Variants in EXT1 observed in about 807,000 individuals in gnomAD.
The protein encoded by EXT1 is exostosin-1.
A neutral mutation model predicts 82.5 loss-of-function variants in EXT1; 20 were observed. That is an observed-to-expected ratio of 0.24 (90% CI 0.17 to 0.35). The LOEUF is 0.35. Among genes scored for constraint, EXT1 ranks in the 10% least tolerant of loss-of-function variants. The pLI is 1.00. For missense variants in EXT1, 757 were observed against 936.5 expected, an observed-to-expected ratio of 0.81 and a Z score of 2.50; for synonymous variants, 348 against 350.8, an observed-to-expected ratio of 0.99 and a Z score of 0.09.
At chr8:118,067,876 A>C (rs1202523256) in intron 1 of EXT1, among the ~76,000 whole-genome samples, 1 of 152,224 alleles carries the variant, frequency 6.6e-6, no homozygotes, top group African/African-American at 2.4e-5. Flanking sequence ...AGTGATGGCT[A>C]TTAAAGGGAA....
rs79074363 is a variant in EXT1 at position 118,083,678 on chromosome 8, T to C, written c.962+26407A>G. Among the ~76,000 whole-genome samples, 1,027 of 152,258 alleles carry C rather than the reference T, an allele frequency of 6.7e-3. 7 individuals are homozygous for C. The highest frequency in any genetic ancestry group is 8.6e-3 in the Non-Finnish European group (582 of 68,022). Reference sequence around the variant, plus strand: ...ATAGTAAGAAGCTCAATAGAAGTTTTCTAAACTCAAGAATCAAGCACTATT... The same window carrying C: ...ATAGTAAGAAGCTCAATAGAAGTTTCCTAAACTCAAGAATCAAGCACTATT... On this transcript the variant is annotated intron_variant, in intron 1 of 10. Coordinates refer to ENST00000378204, the MANE Select transcript of EXT1 (RefSeq NM_000127.3).
intron 4 of EXT1, 38 bp downstream of exon 4, chr8:117,830,191 AC>A: frequency 6.2e-7 from 1 of 1,613,082 alleles, no homozygotes; most frequent in Non-Finnish European, 8.5e-7. Flanking sequence ...TGTATAAAGG[AC>A]CATTATTCAA....
At chr8:117,830,102 T>C (rs1812073328) in intron 4 of EXT1, 128 bp downstream of exon 4, 2 of 1,194,874 alleles carry the variant, frequency 1.7e-6, no homozygotes, top group South Asian at 1.3e-5. Flanking sequence ...TTAACCAATA[T>C]ATCCAAGTAC....
chr8:118,000,543 G>A (rs922416525), intron 1 of EXT1, among the ~76,000 whole-genome samples: 1 of 152,198 alleles, frequency 6.6e-6, no homozygotes, highest in Non-Finnish European at 1.5e-5. Flanking sequence ...TGTCTTAGCT[G>A]TAGCTAGGAA....
intron 1 of EXT1, among the ~76,000 whole-genome samples, chr8:117,915,787 C>T (rs763712916): frequency 2.1e-4 from 32 of 152,092 alleles, no homozygotes; most frequent in African/African-American, 6.5e-4. Flanking sequence ...ACCCAAGAGG[C>T]GGAGGTTACA....
At position 117,946,995 on chromosome 8, in the gene EXT1, C is replaced by T. The variant is rs57399568; in HGVS notation, c.963-109794G>A. Among the ~76,000 whole-genome samples, 1,199 of 151,242 alleles carry T rather than the reference C, an allele frequency of 7.9e-3. 23 individuals are homozygous for T. The highest frequency in any genetic ancestry group is 0.028 in the African/African-American group (1,145 of 41,410). The stretch of plus-strand genomic sequence containing the variant: ...GATTTTTGAGGAGTATATGGGTTAC[C>T]CGAGCCAAGAATTATTATAAAGGAG... On this transcript the variant is annotated intron_variant, in intron 1 of 10. Coordinates refer to ENST00000378204, the MANE Select transcript of EXT1 (RefSeq NM_000127.3).
chr8:117,975,376 G>A (rs967676038), intron 1 of EXT1, among the ~76,000 whole-genome samples: 4 of 152,024 alleles, frequency 2.6e-5, no homozygotes, highest in Non-Finnish European at 5.9e-5. Context: ...AATAAAAAAT[G>A]TTTTATCCCC....
chr8:118,060,782 C>T lies in EXT1; in HGVS notation c.962+49303G>A, dbSNP rs79858739. Among the ~76,000 whole-genome samples the T allele has an allele frequency of 9.0e-3, 1,366 of 152,334 alleles. 6 individuals are homozygous for T. Among genetic ancestry groups the T allele is most frequent in the Non-Finnish European group, 0.015 (1,013 of 68,022 alleles). Reference sequence around the variant, plus strand: ...TGTCCAGGAACAAGCTGGAACACCACCTGGCTCAGCTGCTTCGTGTAAAAA... The same window carrying T: ...TGTCCAGGAACAAGCTGGAACACCATCTGGCTCAGCTGCTTCGTGTAAAAA... On this transcript the variant is annotated intron_variant, in intron 1 of 10. Coordinates refer to ENST00000378204, the MANE Select transcript of EXT1 (RefSeq NM_000127.3).
intron 7 of EXT1, among the ~76,000 whole-genome samples, chr8:117,814,168 T>C (rs573510185): frequency 1.5e-4 from 22 of 150,960 alleles, no homozygotes; most frequent in Non-Finnish European, 3.2e-4. Flanking sequence ...ATTGTGAAGG[T>C]GGTGTATGCA....
At chr8:117,871,598 C>T (rs1301112490) in intron 1 of EXT1, among the ~76,000 whole-genome samples, 1 of 152,178 alleles carries the variant, frequency 6.6e-6, no homozygotes. Context: ...CCACAAGTTA[C>T]CCCAATGCAA....
Position 117,915,124 on chromosome 8 carries a change from T to A in EXT1, c.963-77923A>T, listed in dbSNP as rs1485540605. On this transcript the variant is annotated intron_variant, in intron 1 of 10. Coordinates refer to ENST00000378204, the MANE Select transcript of EXT1 (RefSeq NM_000127.3). ...CTGTAAAATTCCTCTCTTTGTACTC[T>A]TTCTCTTTATTTCTCAGCCGGCCAA... Among the ~76,000 whole-genome samples, 6 of 152,196 alleles carry A rather than the reference T, an allele frequency of 3.9e-5. No homozygotes were observed. The East Asian group carries it at 1.2e-3, about 29-fold the overall frequency.
chr8:117,915,855 CAAACAAAACAAAACA>C (rs60869745), intron 1 of EXT1, among the ~76,000 whole-genome samples: 28 of 148,838 alleles, frequency 1.9e-4, no homozygotes, highest in African/African-American at 4.4e-4. Context: ...GACTCTGTCT[CAAACAAAACAAAACA>C]AAACAAAACA....
chr8:117,858,810 C>CAAGGCAGGAAGGAAGGAAGGA lies in EXT1; in HGVS notation c.963-21610_963-21609insTCCTTCCTTCCTTCCTGCCTT, dbSNP rs1182184208. Among the ~76,000 whole-genome samples, 39 of 34,358 alleles carry CAAGGCAGGAAGGAAGGAAGGA rather than the reference C, an allele frequency of 1.1e-3. 1 individual carries two copies. Among genetic ancestry groups the CAAGGCAGGAAGGAAGGAAGGA allele is most frequent in the Non-Finnish European group, 1.4e-3 (26 of 18,776 alleles). 22.5% of individuals were successfully genotyped at this position (34,358 alleles called of 152,430 possible). On this transcript the variant is annotated intron_variant, in intron 1 of 10. Transcript: ENST00000378204. Reference sequence around the variant, plus strand: ...GCAGGCAAGGCAAGGCAAGGCAAGGCAGGAAGGAAGGAAGGAAGGAAGGAA... The same window carrying CAAGGCAGGAAGGAAGGAAGGA: ...GCAGGCAAGGCAAGGCAAGGCAAGGCAAGGCAGGAAGGAAGGAAGGAAGGAAGGAAGGAAGGAAGGAAGGAA...
intron 9 of EXT1, among the ~76,000 whole-genome samples, chr8:117,805,319 T>C (rs1246431572): frequency 1.3e-5 from 2 of 152,208 alleles, no homozygotes; most frequent in African/African-American, 4.8e-5. Context: ...TTAACAATTT[T>C]AATCATTGGC....
intron 1 of EXT1, among the ~76,000 whole-genome samples, chr8:117,843,831 G>A (rs1300874256): frequency 1.3e-5 from 2 of 152,094 alleles, no homozygotes; most frequent in Non-Finnish European, 2.9e-5. Context: ...TCCAACTCCT[G>A]GATTTCTCAT....
At position 117,949,439 on chromosome 8, in the gene EXT1, A is replaced by G. The variant is rs891204379; in HGVS notation, c.963-112238T>C. On this transcript the variant is annotated intron_variant, in intron 1 of 10. Coordinates refer to ENST00000378204, the MANE Select transcript of EXT1 (RefSeq NM_000127.3). ...TATTTATAATCCACAGGTAAGTCTA[A>G]TATCAGTACCTAGTTTGTGTGTGTA... Among the ~76,000 whole-genome samples, 8 of 151,060 alleles carry G rather than the reference A, an allele frequency of 5.3e-5. No homozygotes were observed. In the East Asian group the frequency reaches 1.5e-3, roughly 29 times the overall value.
chr8:118,079,328 C>T (rs1817267387), intron 1 of EXT1, among the ~76,000 whole-genome samples: 1 of 152,094 alleles, frequency 6.6e-6, no homozygotes, highest in Non-Finnish European at 1.5e-5. Context: ...GGCTAATTTC[C>T]CTCTGTGCAT....
chr8:117,867,095 CTAAAAATACAAAAAT>C (rs1812786125), intron 1 of EXT1, among the ~76,000 whole-genome samples: 1 of 151,884 alleles, frequency 6.6e-6, no homozygotes, highest in Non-Finnish European at 1.5e-5. Context: ...CTCGTCTCTA[CTAAAAATACAAAAAT>C]TCGCTGGACA....
chr8:117,994,457 A>T (rs115543094), intron 1 of EXT1, among the ~76,000 whole-genome samples: 1 of 152,256 alleles, frequency 6.6e-6, no homozygotes, highest in South Asian at 2.1e-4. Flanking sequence ...TAAAAAATAC[A>T]AAAATTAGCC....
Sources: allele counts gnomAD v4.1 joint callset (sites outside exome capture counted in the v4.1 genomes callset), GRCh38; gene constraint gnomAD v4.1.1; transcripts MANE v1.5; gene names NCBI Gene and HGNC (gene_info 2026-07-23, HGNC 2026-07-21).